Variants in DPP6 observed in about 807,000 individuals in gnomAD.
DPP6 encodes A-type potassium channel modulatory protein DPP6.
In DPP6, 69 loss-of-function variants were observed where a neutral mutation model predicts 122.6. That is an observed-to-expected ratio of 0.56 (90% confidence interval 0.46 to 0.69). The LOEUF is 0.69. Among genes scored for constraint, DPP6 ranks in the 30% least tolerant of loss-of-function variants. The pLI is 0.00. For missense variants in DPP6, 928 were observed against 1,116.9 expected, an observed-to-expected ratio of 0.83 and a Z score of 2.41; for synonymous variants, 418 against 433.1, an observed-to-expected ratio of 0.97 and a Z score of 0.43.
At chr7:153,933,682 TTCTC>T (rs3060876) in intron 1 of DPP6, among the ~76,000 whole-genome samples, 95,263 of 150,252 alleles carry the variant, frequency 0.63, 30,681 homozygotes, top group African/African-American at 0.77. Flanking sequence ...CATTGCCACA[TTCTC>T]TCTCTCTCTC....
intron 1 of DPP6, among the ~76,000 whole-genome samples, chr7:154,042,020 G>A (rs1384716880): frequency 2.6e-5 from 4 of 152,158 alleles, no homozygotes; most frequent in South Asian, 4.1e-4. Flanking sequence ...GCCTCCCAAA[G>A]TGCTGAGATT....
chr7:154,391,146 C>T (rs757182400), intron 1 of DPP6, among the ~76,000 whole-genome samples: 5 of 152,196 alleles, frequency 3.3e-5, no homozygotes, highest in African/African-American at 4.8e-5. Flanking sequence ...GCGCGGCATC[C>T]GTATGCCCTT....
chr7:154,872,692 G>A lies in DPP6; in HGVS notation c.1882G>A (p.Val628Met). 3 of 1,593,914 alleles carry A rather than the reference G, an allele frequency of 1.9e-6. No homozygotes were observed. Among genetic ancestry groups the A allele is most frequent in the Non-Finnish European group, 2.6e-6 (3 of 1,170,216 alleles). The change falls in exon 19 of 26, where the codon GTG (valine) becomes ATG (methionine). Residue 628 changes from valine to methionine, a missense_variant and splice_region_variant. Transcript: ENST00000377770. ...CACCCACTACCCTCTGCTCCTGGTGGTGTAAGTATCGTCACATCTGTCTTT... is the reference window on the plus strand; with the variant it reads ...CACCCACTACCCTCTGCTCCTGGTGATGTAAGTATCGTCACATCTGTCTTT... ...DTTHYPLLLV[V>M]DGTPGSQSVA...
intron 5 of DPP6, among the ~76,000 whole-genome samples, chr7:154,611,823 CTTAT>C (rs1833926676): frequency 6.7e-6 from 1 of 150,202 alleles, no homozygotes. Flanking sequence ...ATCAACTAAT[CTTAT>C]TTAGATTTCT....
chr7:153,788,581 T>G, the DPP6 span, among the ~76,000 whole-genome samples: 1 of 152,184 alleles, frequency 6.6e-6, no homozygotes, highest in Non-Finnish European at 1.5e-5. Context: ...TGTACATGTT[T>G]GTACCTAGTC....
chr7:154,586,821 G>A (rs1182439502), intron 5 of DPP6, among the ~76,000 whole-genome samples: 1 of 152,108 alleles, frequency 6.6e-6, no homozygotes, highest in Non-Finnish European at 1.5e-5. Context: ...GTCTGAGTGA[G>A]CACCTCCCCA....
At chr7:154,274,588 A>G (rs1804005639) in intron 1 of DPP6, among the ~76,000 whole-genome samples, 1 of 152,204 alleles carries the variant, frequency 6.6e-6, no homozygotes, top group African/African-American at 2.4e-5. Flanking sequence ...AGATGCTTCC[A>G]TGCACTTTAG....
intron 1 of DPP6, among the ~76,000 whole-genome samples, chr7:154,039,252 C>T (rs1799652181): frequency 6.9e-6 from 1 of 145,430 alleles, no homozygotes; most frequent in South Asian, 2.1e-4. Flanking sequence ...GATGTCCTAG[C>T]TTCCCAGGTA....
rs538698540 is a variant in DPP6 at position 154,799,106 on chromosome 7, A to G, written c.1300-2249A>G. 2.0e-5 allele frequency among the ~76,000 whole-genome samples: 3 copies of G among 152,254 alleles called. No individual in the cohort carries two copies. The East Asian group carries it at 5.8e-4, about 29-fold the overall frequency. On this transcript the variant is annotated intron_variant, in intron 12 of 25. Transcript: ENST00000377770. ...CTGGAAGGTCCTGCAGACCTCAGGG[A>G]GACCCGGCCTGCTTAGGTCCACCGA...
intron 1 of DPP6, among the ~76,000 whole-genome samples, chr7:153,917,580 G>A (rs1054628431): frequency 6.6e-6 from 1 of 152,146 alleles, no homozygotes; most frequent in African/African-American, 2.4e-5. Flanking sequence ...TCTTACAGAC[G>A]CTAAGATTCC....
At chr7:154,080,121 A>G (rs1262430095) in intron 1 of DPP6, among the ~76,000 whole-genome samples, 2 of 151,954 alleles carry the variant, frequency 1.3e-5, no homozygotes, top group Non-Finnish European at 2.9e-5. Flanking sequence ...GTCACTTTTC[A>G]TAACACTTTG....
intron 1 of DPP6, among the ~76,000 whole-genome samples, chr7:153,988,034 A>T (rs1321543798): frequency 6.6e-6 from 1 of 152,146 alleles, no homozygotes; most frequent in African/African-American, 2.4e-5. Flanking sequence ...GCCAGTCCCT[A>T]AACAACCAGA....
At chr7:154,479,580 G>GA (rs769448415) in intron 3 of DPP6, among the ~76,000 whole-genome samples, 1 of 141,794 alleles carries the variant, frequency 7.1e-6, no homozygotes. Flanking sequence ...AAAAAGAAAA[G>GA]AAAAGAAAAA....
chr7:154,008,781 C>T (rs915071131), intron 1 of DPP6, among the ~76,000 whole-genome samples: 2 of 151,014 alleles, frequency 1.3e-5, no homozygotes, highest in Non-Finnish European at 3.0e-5. Flanking sequence ...CCTGCCTCAG[C>T]CTCCCGAGTA....
chr7:154,492,863 G>C (rs1253581062), intron 3 of DPP6, among the ~76,000 whole-genome samples: 1 of 152,124 alleles, frequency 6.6e-6, no homozygotes, highest in Non-Finnish European at 1.5e-5. Context: ...GATTTGTTCT[G>C]AAGATCAGCA....
chr7:154,331,595 G>A (rs1448612621), intron 1 of DPP6, among the ~76,000 whole-genome samples: 1 of 152,210 alleles, frequency 6.6e-6, no homozygotes, highest in Admixed American at 6.5e-5. Context: ...AGAAGATGCA[G>A]CTTTGGAAGG....
chr7:154,769,607 A>G, intron 9 of DPP6, 36 bp downstream of exon 9: 1 of 1,524,788 alleles, frequency 6.6e-7, no homozygotes, highest in Non-Finnish European at 8.8e-7. Flanking sequence ...AATTCTTTAT[A>G]TTATTCATGA....
rs529471078 is a variant in DPP6 at position 154,508,885 on chromosome 7, T to A, written c.458-31647T>A. On this transcript the variant is annotated intron_variant, in intron 3 of 25. Transcript: ENST00000377770. ...TGGTAATGTGGCATAAAAATGAATGTTAATATCTTTTTTTACAAATAATTC... is the reference window on the plus strand; with the variant it reads ...TGGTAATGTGGCATAAAAATGAATGATAATATCTTTTTTTACAAATAATTC... Among the ~76,000 whole-genome samples the A allele has an allele frequency of 3.9e-5, 6 of 152,316 alleles. No individual in the cohort carries two copies. The East Asian group carries it at 7.7e-4, about 20-fold the overall frequency.
exon 1 of DPP6, chr7:153,887,371 C>G (rs1207148608): frequency 1.6e-5 from 4 of 246,254 alleles, no homozygotes; most frequent in African/African-American, 6.7e-5. Flanking sequence ...TAGCTGGGCT[C>G]GCAGCCTCTT....
Sources: gnomAD v4.1 joint callset for allele counts (sites outside exome capture counted in the v4.1 genomes callset) on GRCh38, gnomAD v4.1.1 for gene constraint, MANE v1.5 for transcripts, NCBI Gene and HGNC (gene_info 2026-07-23, HGNC 2026-07-21) for gene names.